Variants in BRD1 observed in about 807,000 individuals in gnomAD.
BRD1 encodes the protein bromodomain-containing protein 1.
Under a neutral mutation model 107.7 loss-of-function variants are expected in BRD1, and 24 were observed. The observed-to-expected ratio is 0.22, with a 90% CI of 0.16 to 0.31. The LOEUF is 0.31. Ranked by LOEUF, BRD1 falls within the 10% of genes least tolerant of loss-of-function variation. The probability of loss-of-function intolerance (pLI) is 1.00; values close to 1 mark genes in which losing one functional copy is unlikely to be tolerated. For missense variants in BRD1, 1,279 were observed against 1,638.6 expected, an observed-to-expected ratio of 0.78 and a Z score of 3.79; for synonymous variants, 744 against 686.1, an observed-to-expected ratio of 1.08 and a Z score of -1.32.
Position 49,774,053 on chromosome 22 carries a change from TCA to T in BRD1, c.*178_*179del. ...GGCTGCCCGGACGTGCCCACCCCAC[TCA>T]CAGCGCCCAGACGGAGATGGGTTCC... On this transcript the variant is annotated 3_prime_UTR_variant, in exon 13 of 13. Coordinates refer to ENST00000404760, the MANE Select transcript of BRD1 (RefSeq NM_001304808.3). 4.9e-6 allele frequency: 4 copies of T among 821,054 alleles called. No individual in the cohort carries two copies. The South Asian group carries it at 8.9e-5, about 18-fold the overall frequency. 50.9% of individuals were successfully genotyped at this position (821,054 alleles called of 1,614,324 possible). A position where few individuals can be genotyped will look rare whatever the true frequency, so the allele number is the denominator to read the frequency against.
chr22:49,787,349 G>C (rs1047591621), intron 8 of BRD1, 41 bp downstream of exon 8: 5 of 1,541,908 alleles, frequency 3.2e-6, no homozygotes, highest in African/African-American at 1.5e-5. Context: ...TCCAGGCACT[G>C]GTCGGCAAGG....
intron 7 of BRD1, among the ~76,000 whole-genome samples, chr22:49,791,243 G>T (rs2059428022): frequency 6.6e-6 from 1 of 152,258 alleles, no homozygotes; most frequent in Non-Finnish European, 1.5e-5. Flanking sequence ...TCGGCAGACT[G>T]AGTCGCGGCT....
intron 2 of BRD1, among the ~76,000 whole-genome samples, chr22:49,807,908 T>C (rs1157752746): frequency 1.3e-5 from 2 of 152,116 alleles, no homozygotes; most frequent in Admixed American, 6.5e-5. Context: ...CTGGTTAAAA[T>C]ACTCAAATAG....
intron 2 of BRD1, among the ~76,000 whole-genome samples, chr22:49,805,045 C>T (rs1244831348): frequency 6.6e-6 from 1 of 152,212 alleles, no homozygotes; most frequent in African/African-American, 2.4e-5. Flanking sequence ...ACACTGTCCA[C>T]TCAGACGCCA....
intron 6 of BRD1, 121 bp downstream of exon 6, chr22:49,797,684 T>C: frequency 2.1e-6 from 2 of 937,002 alleles, no homozygotes; most frequent in South Asian, 4.2e-5. Flanking sequence ...GTAAATGATG[T>C]ATGCGGTTGC....
chr22:49,824,391 C>T lies in BRD1; in HGVS notation c.-14-60G>A. The T allele has an allele frequency of 1.9e-6, 3 of 1,575,360 alleles. No homozygotes were observed. The highest frequency in any genetic ancestry group is 2.4e-5 in the South Asian group (2 of 85,096). ...CAGGGTGACCAAAGACTCGAGAAAA[C>T]CACAAAAGCATGCTTGGACAGATCT... On this transcript the variant is annotated intron_variant, in intron 1 of 12. Coordinates refer to ENST00000404760, the MANE Select transcript of BRD1 (RefSeq NM_001304808.3). The surrounding 1 kb of genome is among the most constrained non-coding windows in gnomAD (Gnocchi z 5.9).
At chr22:49,805,226 G>A (rs776586414) in intron 2 of BRD1, among the ~76,000 whole-genome samples, 1 of 152,208 alleles carries the variant, frequency 6.6e-6, no homozygotes, top group South Asian at 2.1e-4. Context: ...GAGCCACCAA[G>A]ACCCTCGGCG....
rs1348454546 is a variant in BRD1 at position 49,775,835 on chromosome 22, C to G, written c.3232-90G>C. ...CTGGCACCCCCCCCCGCCTCCCCACCCCAGCTGTGTGAGCCTCCTCAGACC... is the reference window on the plus strand; with the variant it reads ...CTGGCACCCCCCCCCGCCTCCCCACGCCAGCTGTGTGAGCCTCCTCAGACC... On this transcript the variant is annotated intron_variant, in intron 11 of 12. Coordinates refer to ENST00000404760, the MANE Select transcript of BRD1 (RefSeq NM_001304808.3). 19 of 1,344,808 alleles carry G rather than the reference C, an allele frequency of 1.4e-5. 1 individual carries two copies. Among genetic ancestry groups the G allele is most frequent in the Non-Finnish European group, 1.8e-5 (18 of 1,017,758 alleles). 83.3% of individuals were successfully genotyped at this position (1,344,808 alleles called of 1,614,324 possible).
chr22:49,803,935 G>A lies in BRD1; in HGVS notation c.1524+269C>T, dbSNP rs1196258732. Among the ~76,000 whole-genome samples the A allele has an allele frequency of 6.6e-6, 1 of 152,248 alleles. No individual in the cohort carries two copies. Among genetic ancestry groups the A allele is most frequent in the Non-Finnish European group, 1.5e-5 (1 of 68,044 alleles). On this transcript the variant is annotated intron_variant, in intron 3 of 12. Coordinates refer to ENST00000404760, the MANE Select transcript of BRD1 (RefSeq NM_001304808.3). The surrounding 1 kb of genome is among the most constrained non-coding windows in gnomAD (Gnocchi z 4.4). ...AGCTGGCCACTGCCCATCAGCGTGT[G>A]TGCGGGCAGGGCAGGGCGGGGGAGC...
intron 6 of BRD1, among the ~76,000 whole-genome samples, chr22:49,795,966 G>C (rs918818648): frequency 1.3e-5 from 2 of 152,136 alleles, no homozygotes; most frequent in Admixed American, 6.5e-5. Context: ...AGCTCCACCC[G>C]GGTTCACCAA....
chr22:49,789,713 T>C (rs1397676357), intron 7 of BRD1, among the ~76,000 whole-genome samples: 2 of 152,096 alleles, frequency 1.3e-5, no homozygotes, highest in African/African-American at 4.8e-5. Context: ...TCCACAGCTA[T>C]CTAACGGGCA....
chr22:49,816,152 A>C (rs2059947142), intron 2 of BRD1, among the ~76,000 whole-genome samples: 1 of 152,210 alleles, frequency 6.6e-6, no homozygotes, highest in African/African-American at 2.4e-5. Flanking sequence ...ATAAAAAATT[A>C]ACAGCCAGAA....
intron 2 of BRD1, among the ~76,000 whole-genome samples, chr22:49,814,127 C>T (rs771206015): frequency 7.9e-5 from 12 of 152,238 alleles, no homozygotes; most frequent in Non-Finnish European, 1.2e-4. Flanking sequence ...TGGCCAGGTG[C>T]GTATAACTTC....
chr22:49,799,860 T>C lies in BRD1; in HGVS notation c.1525-741A>G, dbSNP rs572898088. 2.6e-5 allele frequency among the ~76,000 whole-genome samples: 4 copies of C among 152,326 alleles called. No homozygotes were observed. The East Asian group carries it at 7.7e-4, about 29-fold the overall frequency. ...GGCCACCTGGGTCTGCCCTCAGCCC[T>C]GTCCTCACCATGTCCCCCAGGCCTG... On this transcript the variant is annotated intron_variant, in intron 3 of 12. Coordinates refer to ENST00000404760, the MANE Select transcript of BRD1 (RefSeq NM_001304808.3).
At chr22:49,790,857 T>C (rs1318300542) in intron 7 of BRD1, among the ~76,000 whole-genome samples, 2 of 152,224 alleles carry the variant, frequency 1.3e-5, no homozygotes, top group East Asian at 3.8e-4. Context: ...TCAGCGCCCG[T>C]GCACGGCAGG....
chr22:49,825,741 G>A (rs2060140229), intron 1 of BRD1: 1 of 152,222 alleles, frequency 6.6e-6, no homozygotes. Flanking sequence ...CTGATCTATT[G>A]GGCCTGAGAA....
chr22:49,800,171 G>C (rs1012080126), intron 3 of BRD1, among the ~76,000 whole-genome samples: 6 of 152,162 alleles, frequency 3.9e-5, no homozygotes, highest in African/African-American at 1.4e-4. Flanking sequence ...AGGGTGTGAA[G>C]GCAAAGACTG....
At chr22:49,814,322 G>A (rs1307005656) in intron 2 of BRD1, among the ~76,000 whole-genome samples, 4 of 152,370 alleles carry the variant, frequency 2.6e-5, no homozygotes, top group Middle Eastern at 3.4e-3. Context: ...CACACACGCA[G>A]ACCCCATGCC....
At chr22:49,781,001 C>T (rs1013560670) in intron 8 of BRD1, among the ~76,000 whole-genome samples, 5 of 152,294 alleles carry the variant, frequency 3.3e-5, no homozygotes, top group African/African-American at 1.2e-4. Context: ...TTTTTCAGCA[C>T]GAGGTTTTTT....
Sources: allele counts gnomAD v4.1 joint callset (sites outside exome capture counted in the v4.1 genomes callset), GRCh38; gene constraint gnomAD v4.1.1; non-coding constraint Gnocchi (gnomAD v3.1); transcripts MANE v1.5; gene names NCBI Gene and HGNC (gene_info 2026-07-23, HGNC 2026-07-21).